SORBS2: variants seen among roughly 807,000 people sequenced by gnomAD.
SORBS2 encodes the protein sorbin and SH3 domain containing 2, also known as sorbin and SH3 domain-containing protein 2.
Under a neutral mutation model 97.7 loss-of-function variants are expected in SORBS2, and 46 were observed. That is an observed-to-expected ratio of 0.47 (90% confidence interval 0.37 to 0.60). The LOEUF is 0.60. SORBS2 is among the 20% of genes least tolerant of loss of function. The pLI is 0.00. For missense variants in SORBS2, 1,316 were observed against 1,282.3 expected (o/e 1.03, Z -0.40); for synonymous variants, 476 against 473.4 (o/e 1.01, Z -0.07).
intron 1 of SORBS2, among the ~76,000 whole-genome samples, chr4:185,854,959 T>C (rs1412884617): frequency 1.3e-5 from 2 of 152,302 alleles, no homozygotes; most frequent in East Asian, 1.9e-4. Context: ...AATAAGAGCA[T>C]TTTATATACA....
intron 1 of SORBS2, among the ~76,000 whole-genome samples, chr4:185,883,212 A>T (rs1216181384): frequency 6.6e-6 from 1 of 152,210 alleles, no homozygotes; most frequent in African/African-American, 2.4e-5. Flanking sequence ...ATTAATAAAA[A>T]CTCAATTCAA....
At chr4:185,649,039 C>T (rs1581783240) in intron 3 of SORBS2, among the ~76,000 whole-genome samples, 1 of 152,208 alleles carries the variant, frequency 6.6e-6, no homozygotes, top group Non-Finnish European at 1.5e-5. Context: ...AAACAAGTCA[C>T]AGACACTTAT....
rs536880628 is a variant in SORBS2 at position 185,609,527 on chromosome 4, G to A, written c.2796+2253C>T. On this transcript the variant is annotated intron_variant, in intron 12 of 14. Transcript: ENST00000418609. ...GCTTTATGATGGACTTGCTTATACC[G>A]AAAGCCAAATGAAGCATCCTGGTAT... Among the ~76,000 whole-genome samples the A allele has an allele frequency of 6.6e-5, 10 of 152,234 alleles. No homozygotes were observed. In the East Asian group the frequency reaches 1.5e-3, roughly 23 times the overall value.
At chr4:185,919,569 G>C (rs1295513232) in intron 1 of SORBS2, 1 of 152,144 alleles carries the variant, frequency 6.6e-6, no homozygotes, top group Non-Finnish European at 1.5e-5. Context: ...TTTGACTGTA[G>C]AGGTTTTTCT....
At chr4:185,747,553 G>C (rs1380892813) in intron 2 of SORBS2, among the ~76,000 whole-genome samples, 1 of 152,174 alleles carries the variant, frequency 6.6e-6, no homozygotes, top group African/African-American at 2.4e-5. Context: ...CCCTGTCTCA[G>C]GGGCAGCACA....
intron 4 of SORBS2, among the ~76,000 whole-genome samples, chr4:185,636,890 G>A (rs1201388131): frequency 6.6e-6 from 1 of 152,074 alleles, no homozygotes. Context: ...TTCGTGATCC[G>A]CCTGCCTCGG....
chr4:185,721,084 CTTT>C (rs1160319469), intron 2 of SORBS2, among the ~76,000 whole-genome samples: 12,983 of 92,192 alleles, frequency 0.14, 725 homozygotes, highest in South Asian at 0.24. Context: ...CCCACCTATT[CTTT>C]TTTTTTTTTT....
At chr4:185,659,250 T>G (rs2097467608), upstream of SORBS2, among the ~76,000 whole-genome samples, 1 of 152,146 alleles carries the variant, frequency 6.6e-6, no homozygotes, top group Non-Finnish European at 1.5e-5. Context: ...TGTCCCTGAA[T>G]AAACGAACAG....
At chr4:185,737,049 C>T (rs2098692146) in intron 2 of SORBS2, among the ~76,000 whole-genome samples, 1 of 152,218 alleles carries the variant, frequency 6.6e-6, no homozygotes, top group South Asian at 2.1e-4. Context: ...AGTTTCTAAC[C>T]TCCTTCCCTA....
chr4:185,622,273 A>C lies in SORBS2; in HGVS notation c.2215+641T>G. ...AGCAGAAAGAGAAAGTGAATGAATT[A>C]AGTAATGGAAAAGAGAAAATGAATA... On this transcript the variant is annotated intron_variant, in intron 7 of 14. Transcript: ENST00000418609. 1.3e-5 allele frequency among the ~76,000 whole-genome samples: 2 copies of C among 152,224 alleles called. 1 individual carries two copies. Among genetic ancestry groups the C allele is most frequent in the East Asian group, 3.8e-4 (2 of 5,202 alleles).
chr4:185,616,449 A>G (rs2096628490), intron 9 of SORBS2, among the ~76,000 whole-genome samples: 1 of 152,216 alleles, frequency 6.6e-6, no homozygotes, highest in African/African-American at 2.4e-5. Flanking sequence ...TAATGTAAAA[A>G]ACAGAAAACA....
intron 1 of SORBS2, among the ~76,000 whole-genome samples, chr4:185,947,211 A>G (rs567426272): frequency 6.6e-6 from 1 of 152,318 alleles, no homozygotes; most frequent in Admixed American, 6.5e-5. Flanking sequence ...TTCAGTGTCC[A>G]CAGCAATCTC....
In SORBS2 at chr4:185,864,911, C is replaced by CAAAA. The variant is rs34469356; in HGVS notation, c.-337-89549_-337-89546dup. ...TGGGCGATAGAGTGAGACTCTGTCTCAAAAAAAAAAGAAAAAGAAAAGCAT... is the reference window on the plus strand; with the variant it reads ...TGGGCGATAGAGTGAGACTCTGTCTCAAAAAAAAAAAAAAGAAAAAGAAAAGCAT... On this transcript the variant is annotated intron_variant, in intron 1 of 20. Coordinates refer to the SORBS2 transcript ENST00000284776. Among the ~76,000 whole-genome samples the CAAAA allele has an allele frequency of 6.6e-4, 93 of 140,822 alleles. 3 individuals are homozygous for CAAAA. Among genetic ancestry groups the CAAAA allele is most frequent in the Middle Eastern group, 3.6e-3 (1 of 274 alleles). The allele number at this position is 140,822 out of a possible 152,430, so 92.4% of individuals were successfully genotyped here.
At chr4:185,675,854 G>A (rs1282780701) in intron 4 of SORBS2, among the ~76,000 whole-genome samples, 4 of 152,162 alleles carry the variant, frequency 2.6e-5, no homozygotes, top group African/African-American at 9.7e-5. Context: ...TATTTTAGTA[G>A]AGGTATGATA....
intron 4 of SORBS2, chr4:185,677,602 T>C: frequency 6.5e-7 from 1 of 1,528,430 alleles, no homozygotes; most frequent in Non-Finnish European, 8.8e-7. Flanking sequence ...ATCAAAGAGC[T>C]ATGAAAGCTC....
rs570121574 is a variant in SORBS2 at position 185,620,028 on chromosome 4, G to T, written c.2304+35C>A. 2.5e-5 allele frequency: 32 copies of T among 1,264,294 alleles called. No homozygotes were observed. The South Asian group carries it at 3.2e-4, about 13-fold the overall frequency. The allele number at this position is 1,264,294 out of a possible 1,614,324, so 78.3% of individuals were successfully genotyped here. ...TGGTAAGTGCTGTATCAAGTGTGTT[G>T]CTGTGAAAGACTCCAATGCTATTAA... On this transcript the variant is annotated intron_variant, in intron 8 of 14. Coordinates refer to ENST00000418609, the Ensembl canonical transcript of SORBS2.
intron 4 of SORBS2, 57 bp downstream of exon 16, chr4:185,635,298 T>C: frequency 8.0e-7 from 1 of 1,244,674 alleles, no homozygotes; most frequent in Non-Finnish European, 1.2e-6. Context: ...ATGTGCAGAA[T>C]CACAGTCACA....
At chr4:185,710,072 G>T (rs542610332) in intron 2 of SORBS2, 2 of 152,174 alleles carry the variant, frequency 1.3e-5, no homozygotes, top group East Asian at 3.9e-4. Flanking sequence ...AGGGAACCAG[G>T]CCTCCGAATG....
At chr4:185,780,362 G>A (rs1410517084) in intron 1 of SORBS2, among the ~76,000 whole-genome samples, 1 of 152,106 alleles carries the variant, frequency 6.6e-6, no homozygotes, top group African/African-American at 2.4e-5. Flanking sequence ...ACTCAATGAA[G>A]TGAAGCATAT....
Sources: allele counts gnomAD v4.1 joint callset (sites outside exome capture counted in the v4.1 genomes callset), GRCh38; gene constraint gnomAD v4.1.1; transcripts MANE v1.5; gene names NCBI Gene and HGNC (gene_info 2026-07-23, HGNC 2026-07-21).